Variants in FCSK observed in about 807,000 individuals in gnomAD.
The protein encoded by FCSK is fucose kinase.
A neutral mutation model predicts 122.5 loss-of-function variants in FCSK; 123 were observed. That is an observed-to-expected ratio of 1.00 (90% CI 0.87 to 1.17). The LOEUF is 1.17. Among genes scored for constraint, FCSK ranks in the 50% most tolerant of loss-of-function variants. The pLI, the probability that FCSK is intolerant of heterozygous loss-of-function variation, is 0.00. For missense variants in FCSK, 1,366 were observed against 1,450.4 expected (o/e 0.94, Z 0.95); for synonymous variants, 620 against 625.5 (o/e 0.99, Z 0.13).
intron 18 of FCSK, 150 bp downstream of exon 18, chr16:70,475,161 G>A: frequency 1.0e-6 from 1 of 991,818 alleles, no homozygotes; most frequent in Non-Finnish European, 1.5e-6. Flanking sequence ...GAGTCAACCT[G>A]CAAAGATGAC....
At chr16:70,461,241 G>A (rs1034454596) in intron 1 of FCSK, among the ~76,000 whole-genome samples, 67 of 152,186 alleles carry the variant, frequency 4.4e-4, no homozygotes, top group Admixed American at 4.2e-3. Flanking sequence ...TGCTCAGGGC[G>A]CAGCTCAGCC....
chr16:70,467,573 C>G (rs1026874271), intron 7 of FCSK, 102 bp downstream of exon 7: 39 of 916,938 alleles, frequency 4.3e-5, no homozygotes, highest in Non-Finnish European at 6.0e-5. Context: ...TGGATTTCCT[C>G]GCATGTTCCT....
At position 70,472,501 on chromosome 16, in the gene FCSK, G is replaced by A. The variant is rs377288795; in HGVS notation, c.1342-40G>A. 31 of 1,552,236 alleles carry A rather than the reference G, an allele frequency of 2.0e-5. No homozygotes were observed. In the South Asian group the frequency reaches 3.3e-4, roughly 17 times the overall value. ...GGCCGAGTGTCTCTAACCCTTTCCT[G>A]TGGCCCCTGCAGCCCTGACTGCTTC... On this transcript the variant is annotated intron_variant, in intron 13 of 23. Transcript: ENST00000288078.
At position 70,466,732 on chromosome 16, in the gene FCSK, A is replaced by C. The variant is rs1312966370; in HGVS notation, c.412-150A>C. The C allele has an allele frequency of 7.8e-6, 5 of 640,434 alleles. No individual in the cohort carries two copies. In the East Asian group the frequency reaches 1.4e-4, roughly 17 times the overall value. 39.7% of individuals were successfully genotyped at this position (640,434 alleles called of 1,614,324 possible). A position where few individuals can be genotyped will look rare whatever the true frequency, so the allele number is the denominator to read the frequency against. On this transcript the variant is annotated intron_variant, in intron 5 of 23. Coordinates refer to ENST00000288078, the MANE Select transcript of FCSK (RefSeq NM_145059.3). Reference sequence around the variant, plus strand: ...TAAGTTAGTCTTGGTCACATGGGGAAAGTTGTAAACCCAGGTCAGAGAGTG... The same window carrying C: ...TAAGTTAGTCTTGGTCACATGGGGACAGTTGTAAACCCAGGTCAGAGAGTG...
At chr16:70,455,478 A>G (rs190893277) in intron 1 of FCSK, among the ~76,000 whole-genome samples, 1 of 145,112 alleles carries the variant, frequency 6.9e-6, no homozygotes, top group African/African-American at 2.5e-5. Context: ...GAGCGAGACT[A>G]CGTCTCAAAA....
At chr16:70,465,671 C>A (rs17885668) in intron 4 of FCSK, among the ~76,000 whole-genome samples, 1 of 152,028 alleles carries the variant, frequency 6.6e-6, no homozygotes, top group South Asian at 2.1e-4. Flanking sequence ...ATAGGCTGGG[C>A]GCAGTGGCTC....
intron 5 of FCSK, chr16:70,466,529 C>G (rs1399631283): frequency 2.1e-6 from 1 of 477,102 alleles, no homozygotes; most frequent in Admixed American, 3.6e-5. Flanking sequence ...CCCATCTCTA[C>G]AAAAAAATTT....
intron 1 of FCSK, among the ~76,000 whole-genome samples, chr16:70,459,631 ATC>A (rs2048199216): frequency 1.4e-5 from 2 of 148,096 alleles, no homozygotes; most frequent in African/African-American, 5.0e-5. Context: ...AAGTTACTTC[ATC>A]TCTCTGTGCC....
At position 70,474,612 on chromosome 16, in the gene FCSK, C is replaced by T. The variant is rs1567710109; in HGVS notation, c.2073C>T (p.His691=). ...LIRQAVMSAQ[H]FVSTEQVELP... ...GCCAGGCTGTGATGTCAGCCCAGCA[C>T]TTTGTCTCCACAGAGCAGGTGGAAC... Residue 691 remains histidine (H), a synonymous_variant, in exon 17 of 24, where the codon CAC becomes CAT. Transcript: ENST00000288078. 1 of 1,584,624 alleles carries T rather than the reference C, an allele frequency of 6.3e-7. No individual in the cohort carries two copies. The highest frequency in any genetic ancestry group is 8.6e-7 in the Non-Finnish European group (1 of 1,165,352).
At chr16:70,478,842 T>C (rs1156747890) in intron 22 of FCSK, 192 bp downstream of exon 22, 1 of 705,418 alleles carries the variant, frequency 1.4e-6, no homozygotes, top group Non-Finnish European at 2.6e-6. Context: ...AAAATTTTCA[T>C]CATGGGAAAG....
intron 13 of FCSK, among the ~76,000 whole-genome samples, chr16:70,472,011 G>T (rs1245746311): frequency 1.3e-5 from 2 of 152,080 alleles, no homozygotes; most frequent in African/African-American, 4.8e-5. Context: ...GTTTCACCGC[G>T]TTAGCCAGGA....
chr16:70,463,534 CA>C, intron 2 of FCSK, 88 bp from the exon 3 acceptor site: 1 of 1,530,268 alleles, frequency 6.5e-7, no homozygotes, highest in Middle Eastern at 2.2e-4. Context: ...CAAGGAAGAT[CA>C]AACACTGATG....
chr16:70,463,626 T>C lies in FCSK; in HGVS notation c.86T>C (p.Leu29Pro). The C allele has an allele frequency of 6.2e-7, 1 of 1,613,578 alleles. No individual in the cohort carries two copies. The highest frequency in any genetic ancestry group is 8.5e-7 in the Non-Finnish European group (1 of 1,180,012). ...KDSVQVFQRELEVRQKREQIP... is the reference protein window; with the variant it reads ...KDSVQVFQREPEVRQKREQIP... ...CCAGTGTCTCTTCTGACCCTAGAAC[T>C]GGAAGTGCGGCAGAAGCGGGAGCAG... The change falls in exon 3 of 24, where the codon CTG becomes CCG. Residue 29 changes from leucine (L) to proline (P), a missense_variant. Physicochemically the swap from Leu to Pro is moderately conservative, Grantham distance 98 (BLOSUM62 -3). Transcript: ENST00000288078.
At position 70,479,376 on chromosome 16, in the gene FCSK, C is replaced by T. The variant is rs1450148010; in HGVS notation, c.3126C>T (p.Ala1042=). The change falls in exon 23 of 24, where the codon GCC becomes GCT. Residue 1042 remains alanine (A), a synonymous_variant. Coordinates refer to ENST00000288078, the MANE Select transcript of FCSK (RefSeq NM_145059.3). ...CCAAGGAGCCACAGCAAAAGGAGGC[C>T]TTGGAGGCGGTGCTGGCCAAGACCG... The part of the protein sequence containing the change: ...LLTKEPQQKE[A]LEAVLAKTEG... 6.2e-7 allele frequency: 1 copy of T among 1,613,726 alleles called. No individual in the cohort carries two copies. The highest frequency in any genetic ancestry group is 8.5e-7 in the Non-Finnish European group (1 of 1,179,972).
intron 1 of FCSK, among the ~76,000 whole-genome samples, chr16:70,457,189 A>T (rs78549082): frequency 0.034 from 5,169 of 152,136 alleles, 302 homozygotes; most frequent in African/African-American, 0.12. Flanking sequence ...TCACCTGCCC[A>T]TGTCTCTCTA....
Position 70,466,216 on chromosome 16 carries a change from G to T in FCSK, c.370G>T (p.Val124Phe). 2 of 1,613,940 alleles carry T rather than the reference G, an allele frequency of 1.2e-6. No individual in the cohort carries two copies. The highest frequency in any genetic ancestry group is 1.3e-5 in the African/African-American group (1 of 75,012). ...CCCCGAGGCCCCCGTGGAAGCCTTG[G>T]TCTGCAACCTGGACTGCCTGCTGGA... ...ENPEAPVEAL[V>F]CNLDCLLDIM... Residue 124 changes from valine to phenylalanine, a missense_variant, in exon 5 of 24, where the codon GTC becomes TTC. Physicochemically the swap from Val to Phe is conservative, Grantham distance 50 (BLOSUM62 -1). Transcript: ENST00000288078.
In FCSK at chr16:70,466,158, T is replaced by C; in HGVS notation, c.312T>C (p.Cys104=). The C allele has an allele frequency of 6.2e-7, 1 of 1,613,978 alleles. No homozygotes were observed. The highest frequency in any genetic ancestry group is 8.5e-7 in the Non-Finnish European group (1 of 1,179,910). ...GTCGAGACTTCCCCTTTGATGACTGTGGCAGGGCTTTCACCTGCCTCCCCG... is the reference window on the plus strand; with the variant it reads ...GTCGAGACTTCCCCTTTGATGACTGCGGCAGGGCTTTCACCTGCCTCCCCG... ...HMGRDFPFDD[C]GRAFTCLPVE... The change falls in exon 5 of 24, where the codon TGT becomes TGC. Residue 104 remains cysteine, a synonymous_variant. Coordinates refer to ENST00000288078, the MANE Select transcript of FCSK (RefSeq NM_145059.3).
rs2048709200 is a variant in FCSK, at chr16:70,473,785, G to A, written c.1778-344G>A. Among the ~76,000 whole-genome samples the A allele has an allele frequency of 6.6e-6, 1 of 152,186 alleles. No homozygotes were observed. The highest frequency in any genetic ancestry group is 2.4e-5 in the African/African-American group (1 of 41,450). ...AACCTCATGGAAGGTCCCAGGGACCGTGGACATGAATGGTATTGAAGCCAC... is the reference window on the plus strand; with the variant it reads ...AACCTCATGGAAGGTCCCAGGGACCATGGACATGAATGGTATTGAAGCCAC... On this transcript the variant is annotated intron_variant, in intron 15 of 23. Transcript: ENST00000288078. This position sits in a 1 kb window ranked among gnomAD's most constrained non-coding sequence, Gnocchi z 4.9.
intron 6 of FCSK, 79 bp downstream of exon 6, chr16:70,467,033 C>A: frequency 7.4e-7 from 1 of 1,355,558 alleles, no homozygotes; most frequent in Non-Finnish European, 1.0e-6. Context: ...CTTGCCCACC[C>A]TGCCTCTGGG....
Sources: allele counts gnomAD v4.1 joint callset (sites outside exome capture counted in the v4.1 genomes callset), GRCh38; gene constraint gnomAD v4.1.1; non-coding constraint Gnocchi (gnomAD v3.1); transcripts MANE v1.5; gene names NCBI Gene and HGNC (gene_info 2026-07-23, HGNC 2026-07-21).